RYR2: variants seen among roughly 807,000 people sequenced by gnomAD.
RYR2 encodes ryanodine receptor 2, also known as cardiac muscle ryanodine receptor-calcium release channel.
In RYR2, 227 loss-of-function variants were observed where a neutral mutation model predicts 601.1. The observed-to-expected ratio is 0.38, with a 90% CI of 0.34 to 0.42. The LOEUF is 0.42. Among genes scored for constraint, RYR2 ranks in the 10% least tolerant of loss-of-function variants. The pLI, the probability that RYR2 is intolerant of heterozygous loss-of-function variation, is 1.00. For synonymous variants in RYR2, 2,223 were observed against 2,175.1 expected (o/e 1.02, Z -0.61); for missense variants, 4,646 against 6,156.5 (o/e 0.75, Z 8.21).
At chr1:237,311,057 G>A (rs1694507154) in intron 2 of RYR2, among the ~76,000 whole-genome samples, 1 of 152,144 alleles carries the variant, frequency 6.6e-6, no homozygotes, top group African/African-American at 2.4e-5. Flanking sequence ...AGGCAGAGTA[G>A]GCACTAATTG....
intron 63 of RYR2, among the ~76,000 whole-genome samples, chr1:237,696,049 G>A (rs1018264242): frequency 6.6e-6 from 1 of 152,160 alleles, no homozygotes; most frequent in Non-Finnish European, 1.5e-5. Flanking sequence ...AGGGCCTGCT[G>A]TATGTCAGAC....
Position 237,180,664 on chromosome 1 carries a change from A to ATATG in RYR2, c.49-89831_49-89830insTGTA. Among the ~76,000 whole-genome samples, 3 of 128,142 alleles carry ATATG rather than the reference A, an allele frequency of 2.3e-5. No homozygotes were observed. The highest frequency in any genetic ancestry group is 8.9e-5 in the African/African-American group (3 of 33,666). The allele number at this position is 128,142 out of a possible 152,430, so 84.1% of individuals were successfully genotyped here. ...TGTATATGTATATGTGTATATATGTATACATGTGTATATATGTGTATATAT... is the reference window on the plus strand; with the variant it reads ...TGTATATGTATATGTGTATATATGTATATGTACATGTGTATATATGTGTATATAT... On this transcript the variant is annotated intron_variant, in intron 1 of 104. Transcript: ENST00000366574. The surrounding 1 kb of genome is among the most constrained non-coding windows in gnomAD (Gnocchi z 5.3).
chr1:237,291,449 G>A (rs1007530318), intron 2 of RYR2, among the ~76,000 whole-genome samples: 2 of 152,138 alleles, frequency 1.3e-5, no homozygotes, highest in African/African-American at 4.8e-5. Context: ...TTACCCAAAT[G>A]AGTAAAAGCT....
At chr1:237,632,958 A>G (rs1054135628) in intron 42 of RYR2, among the ~76,000 whole-genome samples, 6 of 152,154 alleles carry the variant, frequency 3.9e-5, no homozygotes, top group African/African-American at 1.2e-4. Context: ...AACTCCAGAG[A>G]GTATCTGGGG....
intron 56 of RYR2, among the ~76,000 whole-genome samples, chr1:237,664,465 G>A (rs548490075): frequency 1.2e-4 from 18 of 152,332 alleles, no homozygotes; most frequent in Non-Finnish European, 2.1e-4. Flanking sequence ...CGTGGCTGCG[G>A]AGGCCTCACA....
chr1:237,580,960 G>C (rs1673852446), intron 29 of RYR2, among the ~76,000 whole-genome samples: 1 of 152,162 alleles, frequency 6.6e-6, no homozygotes. Flanking sequence ...ACATTTCTGT[G>C]GTTTAAGTCA....
At chr1:237,122,924 G>A (rs1258481963) in intron 1 of RYR2, among the ~76,000 whole-genome samples, 1 of 152,014 alleles carries the variant, frequency 6.6e-6, no homozygotes, top group African/African-American at 2.4e-5. Context: ...ATGTATATAA[G>A]GGCTACAATA....
intron 2 of RYR2, among the ~76,000 whole-genome samples, chr1:237,323,602 G>T (rs555354534): frequency 1.3e-5 from 2 of 152,302 alleles, no homozygotes; most frequent in East Asian, 3.9e-4. Context: ...TATGAAAGAT[G>T]CATGTCAAGG....
In RYR2 at chr1:237,423,136, G is replaced by A. The variant is rs754259295; in HGVS notation, c.893G>A (p.Arg298His). Residue 298 changes from arginine to histidine, a missense_variant, in exon 12 of 105, where the codon CGC (arginine) becomes CAC (histidine). By Grantham distance (29) the Arg-to-His change is conservative. Around this residue, in one of 17 missense-constraint regions of RYR2, gnomAD observed 1,807 missense variants for 2,088.1 expected, o/e 0.87. Coordinates refer to ENST00000366574, the MANE Select transcript of RYR2 (RefSeq NM_001035.3). ...AGATGGGGACAGCCATTCCGACTAC[G>A]CCATGTCACAACAGGAAAATACTTG... ...HIRWGQPFRL[R>H]HVTTGKYLSL... is the part of the protein sequence containing the mutation. 19 of 1,613,820 alleles carry A rather than the reference G, an allele frequency of 1.2e-5. No homozygotes were observed. Among genetic ancestry groups the A allele is most frequent in the Admixed American group, 8.3e-5 (5 of 59,988 alleles).
At chr1:237,149,032 G>C (rs903531960) in intron 1 of RYR2, among the ~76,000 whole-genome samples, 1 of 152,088 alleles carries the variant, frequency 6.6e-6, no homozygotes, top group Non-Finnish European at 1.5e-5. Flanking sequence ...TCCTCTTCGA[G>C]TGAGCAAATC....
At chr1:237,465,265 A>G (rs1299099829) in intron 16 of RYR2, among the ~76,000 whole-genome samples, 1 of 152,110 alleles carries the variant, frequency 6.6e-6, no homozygotes, top group Non-Finnish European at 1.5e-5. Flanking sequence ...GGAGGAATGA[A>G]TCTCCACTTG....
At position 237,743,308 on chromosome 1, in the gene RYR2, G is replaced by A. The variant is rs566142704; in HGVS notation, c.11145+959G>A. 1.7e-3 allele frequency among the ~76,000 whole-genome samples: 254 copies of A among 152,284 alleles called. 2 individuals carry two copies. The highest frequency in any genetic ancestry group is 3.1e-3 in the Non-Finnish European group (209 of 68,020). ...TTATGAACCTCTCTGCAGCATTGAA[G>A]TCAATGTGTCAAAAATATAAAAACA... is the stretch of plus-strand genomic sequence containing the variant. On this transcript the variant is annotated intron_variant, in intron 80 of 104. Transcript: ENST00000366574.
intron 2 of RYR2, among the ~76,000 whole-genome samples, chr1:237,319,702 C>A (rs528316705): frequency 2.1e-4 from 32 of 152,278 alleles, no homozygotes; most frequent in Admixed American, 2.0e-3. Context: ...TACCAGCCAA[C>A]CTGTCCGTGG....
intron 1 of RYR2, among the ~76,000 whole-genome samples, chr1:237,175,355 A>G (rs1227904642): frequency 6.6e-6 from 1 of 152,122 alleles, no homozygotes; most frequent in African/African-American, 2.4e-5. Flanking sequence ...GTTGCTTTGG[A>G]ACCTACTGTT....
intron 87 of RYR2, among the ~76,000 whole-genome samples, chr1:237,777,432 T>C (rs1034895769): frequency 6.6e-6 from 1 of 152,182 alleles, no homozygotes; most frequent in East Asian, 1.9e-4. Flanking sequence ...TAGCATAAGA[T>C]CTGAAATGTT....
At chr1:237,270,257 G>C (rs1689542127) in intron 1 of RYR2, 1 of 634,180 alleles carries the variant, frequency 1.6e-6, no homozygotes, top group Admixed American at 2.1e-5. Flanking sequence ...GAAAACTACT[G>C]ATTGCCTTGA....
At chr1:237,390,213 T>TA (rs1702264800) in intron 10 of RYR2, among the ~76,000 whole-genome samples, 1 of 146,090 alleles carries the variant, frequency 6.8e-6, no homozygotes, top group African/African-American at 2.8e-5. Context: ...CCTGATTTGT[T>TA]AAATGGAAGA....
At chr1:237,721,433 T>C (rs995426581) in intron 73 of RYR2, among the ~76,000 whole-genome samples, 2 of 152,180 alleles carry the variant, frequency 1.3e-5, no homozygotes, top group Non-Finnish European at 2.9e-5. Context: ...AGATGTCATC[T>C]ATTTATTTCT....
chr1:237,299,520 T>C (rs1487598025), intron 2 of RYR2, among the ~76,000 whole-genome samples: 2 of 152,206 alleles, frequency 1.3e-5, no homozygotes, highest in Admixed American at 6.5e-5. Flanking sequence ...ATAATTTTGA[T>C]GTGCTGGACT....
Sources: gnomAD v4.1 joint callset for allele counts (sites outside exome capture counted in the v4.1 genomes callset) on GRCh38, gnomAD v4.1.1 for gene constraint, gnomAD v4.1.1 regional missense constraint, Gnocchi (gnomAD v3.1) non-coding constraint, MANE v1.5 for transcripts, NCBI Gene and HGNC (gene_info 2026-07-23, HGNC 2026-07-21) for gene names.